PC: variants seen among roughly 807,000 people sequenced by gnomAD.
PC encodes the protein pyruvate carboxylase.
A neutral mutation model predicts 107.8 loss-of-function variants in PC; 46 were observed. The observed-to-expected ratio is 0.43, with a 90% CI of 0.34 to 0.55. The LOEUF is 0.55. PC is among the 20% of genes least tolerant of loss of function. The probability of loss-of-function intolerance (pLI) is 0.04; values close to 1 mark genes in which losing one functional copy is unlikely to be tolerated. For missense variants in PC, 1,241 were observed against 1,643.1 expected, an observed-to-expected ratio of 0.76 and a Z score of 4.23; for synonymous variants, 662 against 684.7, an observed-to-expected ratio of 0.97 and a Z score of 0.52.
chr11:66,885,078 C>T (rs1947312754), intron 3 of PC, among the ~76,000 whole-genome samples: 1 of 152,204 alleles, frequency 6.6e-6, no homozygotes, highest in Non-Finnish European at 1.5e-5. Context: ...GCCTTGGGGA[C>T]TTCGGGACCT....
chr11:66,850,882 C>A lies in PC; in HGVS notation c.2265G>T (p.Leu755=), dbSNP rs1226564535. 3.1e-6 allele frequency: 5 copies of A among 1,610,834 alleles called. No individual in the cohort carries two copies. The highest frequency in any genetic ancestry group is 1.7e-5 in the Admixed American group (1 of 59,998). ...GLLKPTACTM[L]VSSLRDRFPD... is the part of the protein sequence containing the mutation. ...GGAAGCGGTCCCGGAGGGAGCTGAC[C>A]AGCATGGTGCAGGCCGTGGGCTTCA... is the stretch of plus-strand genomic sequence containing the variant. The change falls in exon 18 of 23, where the codon CTG becomes CTT. Residue 755 remains leucine, a synonymous_variant. Coordinates refer to ENST00000393960, the MANE Select transcript of PC (RefSeq NM_001040716.2).
chr11:66,940,023 C>T (rs1429431740), intron 3 of PC, among the ~76,000 whole-genome samples: 2 of 151,844 alleles, frequency 1.3e-5, no homozygotes, highest in African/African-American at 4.8e-5. Context: ...CAAAGGCAGG[C>T]ACAGGCAACA....
At chr11:66,880,377 A>G (rs1416402087) in intron 3 of PC, among the ~76,000 whole-genome samples, 1 of 152,176 alleles carries the variant, frequency 6.6e-6, no homozygotes, top group African/African-American at 2.4e-5. Context: ...CTGCTCCCCA[A>G]TACTAGACCA....
chr11:66,926,145 T>C (rs1369698700), intron 3 of PC, among the ~76,000 whole-genome samples: 1 of 152,200 alleles, frequency 6.6e-6, no homozygotes, highest in Non-Finnish European at 1.5e-5. Context: ...ATTATCTGAA[T>C]CTCTTATAAT....
intron 12 of PC, among the ~76,000 whole-genome samples, chr11:66,856,035 T>C (rs1945792957): frequency 6.6e-6 from 1 of 152,218 alleles, no homozygotes; most frequent in Non-Finnish European, 1.5e-5. Flanking sequence ...ACTTCCTGTT[T>C]CCCAACTGGG....
chr11:66,857,090 C>A lies in PC; in HGVS notation c.1369-3707G>T, dbSNP rs1945898877. On this transcript the variant is annotated intron_variant, in intron 12 of 22. Transcript: ENST00000393960. The surrounding 1 kb of genome is among the most constrained non-coding windows in gnomAD (Gnocchi z 7.1). ...CCGGCGCGCACCCGCTCGCCTGTCGCCGCCGCCACCGCTAACCGCGCCGGG... is the reference window on the plus strand; with the variant it reads ...CCGGCGCGCACCCGCTCGCCTGTCGACGCCGCCACCGCTAACCGCGCCGGG... 6.8e-6 allele frequency: 1 copy of A among 147,494 alleles called. No homozygotes were observed. Among genetic ancestry groups the A allele is most frequent in the South Asian group, 2.1e-4 (1 of 4,830 alleles). The allele number at this position is 147,494 out of a possible 1,614,324, so 9.1% of individuals were successfully genotyped here.
chr11:66,931,384 GA>G (rs60081578), intron 3 of PC, among the ~76,000 whole-genome samples: 24,366 of 84,720 alleles, frequency 0.29, 2,179 homozygotes, highest in Middle Eastern at 0.4. Flanking sequence ...TCCATCTCAA[GA>G]AAAAAAAAAA....
intron 3 of PC, among the ~76,000 whole-genome samples, chr11:66,885,351 G>T (rs1002422466): frequency 1.3e-5 from 2 of 152,132 alleles, no homozygotes; most frequent in Non-Finnish European, 2.9e-5. Flanking sequence ...TTAGCCAGGT[G>T]TGGTGGTGGC....
At chr11:66,950,590 C>G (rs1449898409) in intron 3 of PC, among the ~76,000 whole-genome samples, 1 of 152,122 alleles carries the variant, frequency 6.6e-6, no homozygotes, top group Non-Finnish European at 1.5e-5. Flanking sequence ...AGTCCCTAGG[C>G]AAAGCTCAAG....
intron 2 of PC, among the ~76,000 whole-genome samples, chr11:66,953,248 T>A (rs1949480929): frequency 6.6e-6 from 1 of 152,208 alleles, no homozygotes; most frequent in African/African-American, 2.4e-5. Flanking sequence ...TTTCTCTGCA[T>A]CTCCGCAGAG....
intron 3 of PC, among the ~76,000 whole-genome samples, chr11:66,911,433 A>C (rs534396754): frequency 3.7e-4 from 56 of 152,254 alleles, no homozygotes; most frequent in East Asian, 1.9e-3. Flanking sequence ...AAAAAAAAAA[A>C]AAAACACCAT....
chr11:66,901,925 T>C (rs1209115806), intron 3 of PC, among the ~76,000 whole-genome samples: 1 of 152,156 alleles, frequency 6.6e-6, no homozygotes. Context: ...CCCTCAACCA[T>C]TCCTGGGTAG....
chr11:66,883,667 T>C lies in PC; in HGVS notation c.1-11508A>G, dbSNP rs549931848. On this transcript the variant is annotated intron_variant, in intron 3 of 22. Coordinates refer to ENST00000393960, the MANE Select transcript of PC (RefSeq NM_001040716.2). ...CCTGGGCACAGGATCCCTGGTCTCT[T>C]TTGTCCCCACATCTCCCTGGCACTC... 2.0e-5 allele frequency among the ~76,000 whole-genome samples: 3 copies of C among 152,262 alleles called. No individual in the cohort carries two copies. In the South Asian group the frequency reaches 6.2e-4, roughly 32 times the overall value.
intron 3 of PC, among the ~76,000 whole-genome samples, chr11:66,944,222 A>G (rs1391652715): frequency 8.6e-6 from 1 of 115,786 alleles, no homozygotes. Flanking sequence ...AGAAGCTTGC[A>G]GTGAGCCGAG....
At chr11:66,914,840 G>C (rs1045398654) in intron 3 of PC, among the ~76,000 whole-genome samples, 1 of 152,066 alleles carries the variant, frequency 6.6e-6, no homozygotes, top group African/African-American at 2.4e-5. Context: ...TTCAAGACCA[G>C]CCTGGGCAAC....
At chr11:66,955,974 T>C (rs1949551923) in intron 1 of PC, among the ~76,000 whole-genome samples, 1 of 151,998 alleles carries the variant, frequency 6.6e-6, no homozygotes, top group Admixed American at 6.6e-5. Flanking sequence ...GGTTTCACCA[T>C]GTTGGCCAGG....
rs776067349 is a variant in PC at position 66,859,073 on chromosome 11, A to G, written c.1368+4701T>C. On this transcript the variant is annotated intron_variant, in intron 12 of 22. Transcript: ENST00000393960. ...TCCAAATCCAGTACAACAGCAGCGAAGATGAGACCCTCATCTACCGGTGAG... is the reference window on the plus strand; with the variant it reads ...TCCAAATCCAGTACAACAGCAGCGAGGATGAGACCCTCATCTACCGGTGAG... The G allele has an allele frequency of 3.9e-5, 58 of 1,490,556 alleles. 1 individual carries two copies. The highest frequency in any genetic ancestry group is 1.8e-6 in the Non-Finnish European group (2 of 1,120,490). 92.3% of individuals were successfully genotyped at this position (1,490,556 alleles called of 1,614,324 possible).
chr11:66,888,312 C>G (rs1275480944), intron 3 of PC, among the ~76,000 whole-genome samples: 1 of 152,240 alleles, frequency 6.6e-6, no homozygotes, highest in Non-Finnish European at 1.5e-5. Context: ...AGTCCTCTAT[C>G]CAGTTAGACT....
rs557943805 is a variant in PC at position 66,866,095 on chromosome 11, G to C, written c.1185+92C>G. The stretch of plus-strand genomic sequence containing the variant: ...CACATGCGGGTCCTCCCTAACTGCC[G>C]GGCTGTGGCAACTTGGCACTGCAGC... On this transcript the variant is annotated intron_variant, in intron 11 of 22. Coordinates refer to ENST00000393960, the MANE Select transcript of PC (RefSeq NM_001040716.2). This position sits in a 1 kb window ranked among gnomAD's most constrained non-coding sequence, Gnocchi z 5.4. 113 of 1,430,946 alleles carry C rather than the reference G, an allele frequency of 7.9e-5. No homozygotes were observed. Among genetic ancestry groups the C allele is most frequent in the Non-Finnish European group, 5.6e-5 (58 of 1,041,532 alleles). 88.6% of individuals were successfully genotyped at this position (1,430,946 alleles called of 1,614,324 possible).
Sources: gnomAD v4.1 joint callset for allele counts (sites outside exome capture counted in the v4.1 genomes callset) on GRCh38, gnomAD v4.1.1 for gene constraint, Gnocchi (gnomAD v3.1) non-coding constraint, MANE v1.5 for transcripts, NCBI Gene and HGNC (gene_info 2026-07-23, HGNC 2026-07-21) for gene names.